The following HHIP variants were observed in gnomAD, a reference collection of about 807,000 sequenced individuals.
The protein encoded by HHIP is hedgehog interacting protein, also known as hedgehog-interacting protein.
HHIP carries 12 observed loss-of-function variants against 74.0 expected under a neutral mutation model. The observed-to-expected ratio is 0.16, with a 90% CI of 0.10 to 0.26. The LOEUF (loss-of-function observed/expected upper bound fraction) is 0.26, where lower values mean the gene tolerates loss of function less well. Among genes scored for constraint, HHIP ranks in the 10% least tolerant of loss-of-function variants. The pLI is 1.00. For missense variants in HHIP, 788 were observed against 845.0 expected, an observed-to-expected ratio of 0.93 and a Z score of 0.84; for synonymous variants, 309 against 311.6, an observed-to-expected ratio of 0.99 and a Z score of 0.09.
Position 144,739,647 on chromosome 4 carries a change from T to C in HHIP, c.*1690T>C, listed in dbSNP as rs1176770226. The C allele has an allele frequency of 1.3e-5, 2 of 152,216 alleles. No homozygotes were observed. The highest frequency in any genetic ancestry group is 4.8e-5 in the African/African-American group (2 of 41,460). 9.4% of individuals were successfully genotyped at this position (152,216 alleles called of 1,614,324 possible). On this transcript the variant is annotated 3_prime_UTR_variant, in exon 13 of 13. Coordinates refer to ENST00000296575, the MANE Select transcript of HHIP (RefSeq NM_022475.3). ...ATTACTTAAGTTTCAAGTGACCTCATGCCAAATGGAAATGGGTTGAGAAAT... is the reference window on the plus strand; with the variant it reads ...ATTACTTAAGTTTCAAGTGACCTCACGCCAAATGGAAATGGGTTGAGAAAT...
chr4:144,708,149 C>G lies in HHIP; in HGVS notation c.1158-19C>G, dbSNP rs1249944097. ...ATAATGAAAATGTAAAACACATACT[C>G]TGTCCCCCAATTTCTCAGTGATTTC... is the stretch of plus-strand genomic sequence containing the variant. On this transcript the variant is annotated intron_variant, in intron 6 of 12. Transcript: ENST00000296575. 6.2e-7 allele frequency: 1 copy of G among 1,613,120 alleles called. No homozygotes were observed. Among genetic ancestry groups the G allele is most frequent in the East Asian group, 2.2e-5 (1 of 44,866 alleles).
intron 1 of HHIP, 31 bp downstream of exon 1, chr4:144,646,985 C>A: frequency 6.4e-7 from 1 of 1,554,784 alleles, no homozygotes. Flanking sequence ...CGGATGCGTA[C>A]TTGGCATATT....
At chr4:144,690,526 G>A (rs1412313445) in intron 4 of HHIP, among the ~76,000 whole-genome samples, 1 of 152,130 alleles carries the variant, frequency 6.6e-6, no homozygotes, top group African/African-American at 2.4e-5. Context: ...TCAAAGCAGA[G>A]GGAACAAACA....
chr4:144,697,196 T>C (rs1729844461), intron 4 of HHIP, among the ~76,000 whole-genome samples: 1 of 152,068 alleles, frequency 6.6e-6, no homozygotes. Context: ...TATTTTCATT[T>C]AGCCTCAGTG....
At chr4:144,666,623 G>A (rs1017776619) in intron 4 of HHIP, among the ~76,000 whole-genome samples, 2 of 152,176 alleles carry the variant, frequency 1.3e-5, no homozygotes, top group East Asian at 1.9e-4. Context: ...CAACCAGGGT[G>A]CTAAGCTGCT....
chr4:144,667,222 C>A (rs1387309134), intron 4 of HHIP, among the ~76,000 whole-genome samples: 1 of 152,088 alleles, frequency 6.6e-6, no homozygotes, highest in Non-Finnish European at 1.5e-5. Context: ...TGATGGCATG[C>A]ACCTATAGTC....
chr4:144,713,711 TACA>T (rs1305038444), intron 8 of HHIP, among the ~76,000 whole-genome samples: 1 of 152,176 alleles, frequency 6.6e-6, no homozygotes, highest in African/African-American at 2.4e-5. Flanking sequence ...TTGACTAAGT[TACA>T]ACATTTTCAC....
chr4:144,648,642 A>T (rs571941516), intron 1 of HHIP: 2 of 152,348 alleles, frequency 1.3e-5, no homozygotes, highest in Non-Finnish European at 2.9e-5. Context: ...AATATTTGCC[A>T]TTAAGTCTCC....
At chr4:144,668,279 G>A (rs1426353398) in intron 4 of HHIP, among the ~76,000 whole-genome samples, 1 of 150,628 alleles carries the variant, frequency 6.6e-6, no homozygotes, top group Non-Finnish European at 1.5e-5. Flanking sequence ...ATCGCGCCAC[G>A]CCACTGCACT....
intron 4 of HHIP, among the ~76,000 whole-genome samples, chr4:144,694,333 G>C (rs567427599): frequency 6.6e-6 from 1 of 150,496 alleles, no homozygotes; most frequent in South Asian, 2.1e-4. Flanking sequence ...AAACTATTGG[G>C]GTTTTTTTTT....
Position 144,718,899 on chromosome 4 carries a change from G to A in HHIP, c.1703G>A (p.Ser568Asn). 6.2e-7 allele frequency: 1 copy of A among 1,610,172 alleles called. No individual in the cohort carries two copies. The highest frequency in any genetic ancestry group is 8.5e-7 in the Non-Finnish European group (1 of 1,176,648). ...GGTGAAGTTTACATTTTATCAAGCA[G>A]TAAAAGTATGACCCAGACTCACAAT... ...ELGEVYILSS[S>N]KSMTQTHNGK... The change falls in exon 11 of 13, where the codon AGT becomes AAT. Residue 568 changes from serine to asparagine, a missense_variant. Coordinates refer to ENST00000296575, the MANE Select transcript of HHIP (RefSeq NM_022475.3).
chr4:144,658,444 G>A (rs150966694), intron 2 of HHIP, among the ~76,000 whole-genome samples: 134 of 151,010 alleles, frequency 8.9e-4, no homozygotes, highest in African/African-American at 3.1e-3. Flanking sequence ...TTCTTGGTTC[G>A]CTCCAACCTC....
rs1261108004 is a variant in HHIP, at chr4:144,744,455, C to T, written c.*6498C>T. On this transcript the variant is annotated 3_prime_UTR_variant, in exon 13 of 13. Coordinates refer to ENST00000296575, the MANE Select transcript of HHIP (RefSeq NM_022475.3). ...CTCGCAGGAGACACCAGACCCAACCCATGCTTAGATTTCTGTTAATAAAAG... is the reference window on the plus strand; with the variant it reads ...CTCGCAGGAGACACCAGACCCAACCTATGCTTAGATTTCTGTTAATAAAAG... 6.6e-6 allele frequency: 1 copy of T among 152,122 alleles called. No homozygotes were observed. The highest frequency in any genetic ancestry group is 2.4e-5 in the African/African-American group (1 of 41,432). 9.4% of individuals were successfully genotyped at this position (152,122 alleles called of 1,614,324 possible). A position where few individuals can be genotyped will look rare whatever the true frequency, so the allele number is the denominator to read the frequency against.
At chr4:144,724,630 A>C (rs1011285664) in intron 11 of HHIP, among the ~76,000 whole-genome samples, 1 of 148,818 alleles carries the variant, frequency 6.7e-6, no homozygotes, top group African/African-American at 2.5e-5. Flanking sequence ...TCTGGTGAGA[A>C]CATATATCAG....
At chr4:144,705,874 T>C (rs1276888000) in intron 4 of HHIP, among the ~76,000 whole-genome samples, 1 of 152,172 alleles carries the variant, frequency 6.6e-6, no homozygotes, top group Non-Finnish European at 1.5e-5. Flanking sequence ...CCTTTAGGCA[T>C]CCTCTGGCTG....
chr4:144,716,659 C>A (rs1437903943), intron 10 of HHIP, among the ~76,000 whole-genome samples: 1 of 151,696 alleles, frequency 6.6e-6, no homozygotes, highest in Non-Finnish European at 1.5e-5. Context: ...ACCAGCCTGG[C>A]CAACATGGTG....
chr4:144,728,340 G>T (rs753729508), intron 11 of HHIP, among the ~76,000 whole-genome samples: 1 of 152,078 alleles, frequency 6.6e-6, no homozygotes, highest in Non-Finnish European at 1.5e-5. Context: ...AATATTAGTC[G>T]CAAAGAAGAC....
chr4:144,700,329 C>T (rs1442779381), intron 4 of HHIP, among the ~76,000 whole-genome samples: 1 of 152,128 alleles, frequency 6.6e-6, no homozygotes, highest in Non-Finnish European at 1.5e-5. Context: ...GCCATGAAGA[C>T]ACAAGTCAGA....
intron 12 of HHIP, among the ~76,000 whole-genome samples, chr4:144,735,445 T>C (rs1037598376): frequency 6.6e-6 from 1 of 152,188 alleles, no homozygotes; most frequent in African/African-American, 2.4e-5. Flanking sequence ...CAACTAGGTG[T>C]GCATCTGCTC....
Sources: allele counts gnomAD v4.1 joint callset (sites outside exome capture counted in the v4.1 genomes callset), GRCh38; gene constraint gnomAD v4.1.1; transcripts MANE v1.5; gene names NCBI Gene and HGNC (gene_info 2026-07-23, HGNC 2026-07-21).